The following LPGAT1 variants were observed in gnomAD, a reference collection of about 807,000 sequenced individuals.
LPGAT1 encodes acyl-CoA:lysophosphatidylglycerol acyltransferase 1.
LPGAT1 carries 11 observed loss-of-function variants against 47.5 expected under a neutral mutation model. That is an observed-to-expected ratio of 0.23 (90% CI 0.15 to 0.38). LPGAT1 has a LOEUF of 0.38. Among genes scored for constraint, LPGAT1 ranks in the 10% least tolerant of loss-of-function variants. LPGAT1 has a pLI of 1.00. For synonymous variants in LPGAT1, 138 were observed against 144.2 expected (o/e 0.96, Z 0.31); for missense variants, 293 against 439.0 (o/e 0.67, Z 2.97).
At chr1:211,805,880 T>C (rs1215660138) in intron 2 of LPGAT1, among the ~76,000 whole-genome samples, 1 of 152,110 alleles carries the variant, frequency 6.6e-6, no homozygotes, top group Non-Finnish European at 1.5e-5. Flanking sequence ...AGGCAAAAAT[T>C]ATCAATAGAA....
Position 211,757,863 on chromosome 1 carries a change from C to T in LPGAT1, c.855-6796G>A, listed in dbSNP as rs1558254890. ...AAAAGATGTCTCAATAATTTTATTG[C>T]CTCCTCTTTGTGCCCCCTACATTTT... is the stretch of plus-strand genomic sequence containing the variant. On this transcript the variant is annotated intron_variant, in intron 6 of 7. Coordinates refer to ENST00000366997, the MANE Select transcript of LPGAT1 (RefSeq NM_014873.3). 3.3e-5 allele frequency among the ~76,000 whole-genome samples: 5 copies of T among 152,114 alleles called. No individual in the cohort carries two copies. The South Asian group carries it at 1.0e-3, about 32-fold the overall frequency.
chr1:211,824,377 T>A (rs370431208), intron 2 of LPGAT1, among the ~76,000 whole-genome samples: 1 of 152,026 alleles, frequency 6.6e-6, no homozygotes, highest in Non-Finnish European at 1.5e-5. Context: ...GGCTGGGCAA[T>A]AGAGTGAGAC....
chr1:211,751,577 C>T (rs888932256), intron 6 of LPGAT1, among the ~76,000 whole-genome samples: 1 of 152,114 alleles, frequency 6.6e-6, no homozygotes, highest in East Asian at 1.9e-4. Flanking sequence ...TAACTTTTAC[C>T]GGTTGGGAGT....
chr1:211,808,991 A>G (rs1485800100), intron 2 of LPGAT1, among the ~76,000 whole-genome samples: 2 of 151,634 alleles, frequency 1.3e-5, no homozygotes, highest in Non-Finnish European at 2.9e-5. Context: ...AGGTCAGGAG[A>G]TCGAGACCAT....
At chr1:211,817,592 G>T (rs897660845) in intron 2 of LPGAT1, among the ~76,000 whole-genome samples, 20 of 151,256 alleles carry the variant, frequency 1.3e-4, no homozygotes, top group African/African-American at 4.9e-4. Context: ...AAGAAAGAAA[G>T]AATTTTTAAT....
chr1:211,816,579 TAA>T (rs1213887141), intron 2 of LPGAT1, among the ~76,000 whole-genome samples: 1 of 152,218 alleles, frequency 6.6e-6, no homozygotes, highest in Non-Finnish European at 1.5e-5. Flanking sequence ...GATATATTTC[TAA>T]GACTACCTCA....
intron 2 of LPGAT1, among the ~76,000 whole-genome samples, chr1:211,828,757 C>T (rs566504248): frequency 1.3e-5 from 2 of 152,244 alleles, no homozygotes; most frequent in South Asian, 4.1e-4. Flanking sequence ...TATAAGCTCT[C>T]GAGTCCTATA....
At chr1:211,816,283 T>C (rs1660171109) in intron 2 of LPGAT1, among the ~76,000 whole-genome samples, 1 of 152,150 alleles carries the variant, frequency 6.6e-6, no homozygotes, top group Admixed American at 6.5e-5. Flanking sequence ...CTGTTGTCTC[T>C]CTCCCACACT....
intron 2 of LPGAT1, among the ~76,000 whole-genome samples, chr1:211,820,881 A>C (rs1660346482): frequency 6.6e-6 from 1 of 152,240 alleles, no homozygotes; most frequent in Non-Finnish European, 1.5e-5. Context: ...TGAGCTACAC[A>C]GTCAATACCA....
chr1:211,787,843 T>G (rs893290838), intron 3 of LPGAT1, 116 bp from the exon 4 acceptor site: 1 of 596,424 alleles, frequency 1.7e-6, no homozygotes, highest in Non-Finnish European at 2.9e-6. Context: ...AACCAAAATA[T>G]CTTAAGTCTA....
At chr1:211,821,924 C>T (rs74137775) in intron 2 of LPGAT1, among the ~76,000 whole-genome samples, 1 of 152,194 alleles carries the variant, frequency 6.6e-6, no homozygotes, top group African/African-American at 2.4e-5. Flanking sequence ...ATGGCAGAAC[C>T]ATGACAAATT....
At position 211,749,014 on chromosome 1, in the gene LPGAT1, G is replaced by A. The variant is rs1238539369; in HGVS notation, c.*885C>T. ...CTCTGAGCTGCAATAGAGGCATCAC[G>A]TCAGGGTGGTGTCCAGGGCAGGATG... On this transcript the variant is annotated 3_prime_UTR_variant, in exon 8 of 8. Transcript: ENST00000366997. 1.3e-5 allele frequency: 2 copies of A among 152,586 alleles called. No homozygotes were observed. Among genetic ancestry groups the A allele is most frequent in the African/African-American group, 2.4e-5 (1 of 41,452 alleles). 9.5% of individuals were successfully genotyped at this position (152,586 alleles called of 1,614,324 possible).
chr1:211,780,580 C>T (rs1174370673), intron 5 of LPGAT1, among the ~76,000 whole-genome samples: 2 of 152,038 alleles, frequency 1.3e-5, no homozygotes. Context: ...TAAAACTGGC[C>T]TTAAATTCTG....
chr1:211,795,787 A>G (rs1042269055), intron 2 of LPGAT1, among the ~76,000 whole-genome samples: 2 of 152,182 alleles, frequency 1.3e-5, no homozygotes, highest in Non-Finnish European at 2.9e-5. Context: ...ACACACACAC[A>G]TGCACAACAT....
chr1:211,826,480 G>A lies in LPGAT1; in HGVS notation c.238+2579C>T, dbSNP rs116558128. On this transcript the variant is annotated intron_variant, in intron 2 of 7. Transcript: ENST00000366997. ...CCACCTAGTACTGAGCACTTGAAAT[G>A]TGGTTGGTGTGCCTGAGGAGCTAAA... Among the ~76,000 whole-genome samples the A allele has an allele frequency of 4.2e-3, 647 of 152,258 alleles. 3 individuals carry two copies. Among genetic ancestry groups the A allele is most frequent in the African/African-American group, 0.015 (616 of 41,536 alleles).
chr1:211,756,824 G>A (rs2102494385), intron 6 of LPGAT1, among the ~76,000 whole-genome samples: 1 of 151,134 alleles, frequency 6.6e-6, no homozygotes, highest in Non-Finnish European at 1.5e-5. Context: ...GGACTCCCTG[G>A]CTGAGATTCC....
chr1:211,764,871 T>C (rs1657844031), intron 6 of LPGAT1, among the ~76,000 whole-genome samples: 1 of 152,054 alleles, frequency 6.6e-6, no homozygotes. Flanking sequence ...ACTTAGCACC[T>C]AGGCCACTGC....
intron 4 of LPGAT1, 116 bp downstream of exon 4, chr1:211,787,515 CT>C: frequency 4.2e-6 from 2 of 480,450 alleles, no homozygotes; most frequent in South Asian, 6.3e-5. Flanking sequence ...AAAAAGCTCC[CT>C]AAGACTGGTT....
At chr1:211,819,007 CA>C (rs1660272197) in intron 2 of LPGAT1, among the ~76,000 whole-genome samples, 1 of 152,232 alleles carries the variant, frequency 6.6e-6, no homozygotes, top group East Asian at 1.9e-4. Flanking sequence ...AATAATCAAC[CA>C]GTGTACAATA....
Sources: allele counts gnomAD v4.1 joint callset (sites outside exome capture counted in the v4.1 genomes callset), GRCh38; gene constraint gnomAD v4.1.1; transcripts MANE v1.5; gene names NCBI Gene and HGNC (gene_info 2026-07-23, HGNC 2026-07-21).